Variants in DPP6 observed in about 807,000 individuals in gnomAD.
DPP6 encodes A-type potassium channel modulatory protein DPP6.
DPP6 carries 69 observed loss-of-function variants against 122.6 expected under a neutral mutation model. That is an observed-to-expected ratio of 0.56 (90% CI 0.46 to 0.69). The LOEUF (loss-of-function observed/expected upper bound fraction) is 0.69, where lower values mean the gene tolerates loss of function less well. DPP6 is among the 30% of genes least tolerant of loss of function. The pLI, the probability that DPP6 is intolerant of heterozygous loss-of-function variation, is 0.00. For synonymous variants in DPP6, 418 were observed against 433.1 expected (o/e 0.97, Z 0.43); for missense variants, 928 against 1,116.9 (o/e 0.83, Z 2.41).
At chr7:154,609,885 A>G (rs909413013) in intron 5 of DPP6, among the ~76,000 whole-genome samples, 8 of 152,220 alleles carry the variant, frequency 5.3e-5, no homozygotes, top group Non-Finnish European at 1.2e-4. Flanking sequence ...CAATAGATCC[A>G]TTCACTCCTT....
At chr7:153,780,356 G>T in the DPP6 span, among the ~76,000 whole-genome samples, 1 of 152,204 alleles carries the variant, frequency 6.6e-6, no homozygotes, top group Non-Finnish European at 1.5e-5. Context: ...CTTCTCTACT[G>T]ACCTTTTTTT....
intron 16 of DPP6, among the ~76,000 whole-genome samples, chr7:154,810,634 G>A (rs145304276): frequency 8.2e-4 from 125 of 152,286 alleles, no homozygotes; most frequent in Middle Eastern, 3.4e-3. Context: ...CAAAGAACAA[G>A]TACAGCAACA....
intron 7 of DPP6, among the ~76,000 whole-genome samples, chr7:154,675,286 A>G (rs76073217): frequency 6.6e-6 from 1 of 152,196 alleles, no homozygotes; most frequent in Non-Finnish European, 1.5e-5. Flanking sequence ...CAGCAAGCCA[A>G]CATAGCACAT....
the DPP6 span, among the ~76,000 whole-genome samples, chr7:153,867,951 G>A: frequency 5.9e-5 from 9 of 152,090 alleles, no homozygotes; most frequent in Non-Finnish European, 1.3e-4. Flanking sequence ...GCTGGATTAC[G>A]TTTATTGATT....
intron 7 of DPP6, among the ~76,000 whole-genome samples, chr7:154,683,660 A>C (rs1275441233): frequency 4.6e-5 from 7 of 152,018 alleles, no homozygotes; most frequent in African/African-American, 1.7e-4. Context: ...ACTGTTTTCC[A>C]CTGCCTTTAG....
At chr7:154,669,664 G>A (rs1838429982) in intron 7 of DPP6, among the ~76,000 whole-genome samples, 2 of 152,138 alleles carry the variant, frequency 1.3e-5, no homozygotes, top group Admixed American at 6.5e-5. Flanking sequence ...AACAGCATGT[G>A]CTTGGTTCCT....
intron 13 of DPP6, among the ~76,000 whole-genome samples, chr7:154,802,761 C>T (rs1269813649): frequency 6.6e-6 from 1 of 150,694 alleles, no homozygotes; most frequent in East Asian, 2.0e-4. Flanking sequence ...TGCTTGAACC[C>T]GGGAGGCGGA....
intron 3 of DPP6, among the ~76,000 whole-genome samples, chr7:154,504,873 A>G (rs999751371): frequency 6.6e-6 from 1 of 152,142 alleles, no homozygotes; most frequent in African/African-American, 2.4e-5. Flanking sequence ...TAAATCCTCA[A>G]TCATGCATTA....
chr7:153,760,941 T>G, the DPP6 span, among the ~76,000 whole-genome samples: 3 of 152,136 alleles, frequency 2.0e-5, no homozygotes, highest in African/African-American at 7.2e-5. Flanking sequence ...TTTCAGACCC[T>G]TTAGCGCAAA....
intron 1 of DPP6, among the ~76,000 whole-genome samples, chr7:154,245,978 T>C (rs543764762): frequency 2.0e-4 from 30 of 152,312 alleles, no homozygotes; most frequent in Admixed American, 5.2e-4. Flanking sequence ...AGAATATATA[T>C]TTTTAAAGTG....
intron 10 of DPP6, among the ~76,000 whole-genome samples, chr7:154,787,369 A>G (rs1474293649): frequency 1.3e-5 from 2 of 152,052 alleles, no homozygotes; most frequent in Non-Finnish European, 2.9e-5. Flanking sequence ...CGATTGTGGA[A>G]GTCTTCCTTT....
At position 154,835,735 on chromosome 7, in the gene DPP6, G is replaced by A. The variant is rs530814707; in HGVS notation, c.1667-18045G>A. 2.6e-5 allele frequency among the ~76,000 whole-genome samples: 4 copies of A among 152,300 alleles called. No homozygotes were observed. The East Asian group carries it at 7.7e-4, about 29-fold the overall frequency. ...AGTTCAGAGGCTGAGAGCCCAGAGT[G>A]TACAAAATGCCCATTCTTTGCTTCC... On this transcript the variant is annotated intron_variant, in intron 16 of 25. Transcript: ENST00000377770.
rs575893791 is a variant in DPP6, at chr7:154,796,062, C to G, written c.1299+179C>G. The stretch of plus-strand genomic sequence containing the variant: ...GTGCCTCCCGTTCTCCAGGGTTGCC[C>G]AGAGAGCTCCAGGAGAATCCAAGTT... On this transcript the variant is annotated intron_variant, in intron 12 of 25. Coordinates refer to ENST00000377770, the MANE Select transcript of DPP6 (RefSeq NM_130797.4). 3.0e-4 allele frequency: 288 copies of G among 962,382 alleles called. 1 individual carries two copies. In the African/African-American group the frequency reaches 4.2e-3, roughly 14 times the overall value. The allele number at this position is 962,382 out of a possible 1,614,324, so 59.6% of individuals were successfully genotyped here.
intron 5 of DPP6, among the ~76,000 whole-genome samples, chr7:154,615,881 T>C (rs1834218671): frequency 6.6e-6 from 1 of 152,218 alleles, no homozygotes; most frequent in Non-Finnish European, 1.5e-5. Context: ...CATTAAACAC[T>C]GACTCCCGCT....
intron 8 of DPP6, among the ~76,000 whole-genome samples, chr7:154,764,920 A>G (rs1795806268): frequency 1.3e-5 from 2 of 152,272 alleles, no homozygotes; most frequent in South Asian, 2.1e-4. Context: ...TTCTCTCCAG[A>G]GAGAGAACTC....
At chr7:154,194,589 G>A (rs1028989342) in intron 1 of DPP6, among the ~76,000 whole-genome samples, 1 of 152,190 alleles carries the variant, frequency 6.6e-6, no homozygotes, top group Non-Finnish European at 1.5e-5. Context: ...TGGAATGTTT[G>A]TGTGCATTTC....
chr7:153,864,672 T>TACAC, the DPP6 span, among the ~76,000 whole-genome samples: 2,109 of 135,200 alleles, frequency 0.016, 28 homozygotes, highest in Non-Finnish European at 0.02. Context: ...ATAATAATAA[T>TACAC]ACACACACAC....
chr7:154,637,643 T>C (rs1835810402), intron 5 of DPP6, among the ~76,000 whole-genome samples, 178 bp from the exon 6 acceptor site: 1 of 152,164 alleles, frequency 6.6e-6, no homozygotes, highest in Non-Finnish European at 1.5e-5. Context: ...ATGCTGAAAA[T>C]AAAATAAACA....
Position 154,795,801 on chromosome 7 carries a change from AGAAAAG to A in DPP6, c.1261-43_1261-38del, listed in dbSNP as rs775787098. 1.6e-5 allele frequency: 11 copies of A among 706,896 alleles called. No homozygotes were observed. The Admixed American group carries it at 2.1e-4, about 13-fold the overall frequency. The allele number at this position is 706,896 out of a possible 1,614,324, so 43.8% of individuals were successfully genotyped here. A position where few individuals can be genotyped will look rare whatever the true frequency, so the allele number is the denominator to read the frequency against. On this transcript the variant is annotated intron_variant, in intron 11 of 25. Transcript: ENST00000377770. ...AATACATGCAAAAAAAAAAAAGAAAAGAAAAGAAAAACCCTCTTGTCTAATGCTCTC... is the reference window on the plus strand; with the variant it reads ...AATACATGCAAAAAAAAAAAAGAAAAAAAAACCCTCTTGTCTAATGCTCTC...
Sources: allele counts gnomAD v4.1 joint callset (sites outside exome capture counted in the v4.1 genomes callset), GRCh38; gene constraint gnomAD v4.1.1; transcripts MANE v1.5; gene names NCBI Gene and HGNC (gene_info 2026-07-23, HGNC 2026-07-21).